Variants in EEF2K observed in about 807,000 individuals in gnomAD.
EEF2K encodes the protein eukaryotic elongation factor 2 kinase, also known as alternative protein EEF2K.
In EEF2K, 70 loss-of-function variants were observed where a neutral mutation model predicts 93.8. That is an observed-to-expected ratio of 0.75 (90% CI 0.62 to 0.91). The LOEUF (loss-of-function observed/expected upper bound fraction) is 0.91. Ranked by LOEUF, EEF2K falls within the 40% of genes least tolerant of loss-of-function variation. The pLI is 0.00. For synonymous variants in EEF2K, 376 were observed against 380.8 expected (o/e 0.99, Z 0.15); for missense variants, 935 against 972.9 (o/e 0.96, Z 0.52).
chr16:22,220,893 T>G (rs2047005607), intron 1 of EEF2K, among the ~76,000 whole-genome samples: 1 of 152,210 alleles, frequency 6.6e-6, no homozygotes, highest in Admixed American at 6.5e-5. Flanking sequence ...CCACGCCGTG[T>G]TGGTCAGCAG....
intron 17 of EEF2K, among the ~76,000 whole-genome samples, chr16:22,281,977 A>G (rs1044289944): frequency 1.8e-4 from 27 of 152,160 alleles, no homozygotes; most frequent in African/African-American, 6.5e-4. Flanking sequence ...AACTAAAAAA[A>G]TTGCTGGGCA....
intron 16 of EEF2K, among the ~76,000 whole-genome samples, chr16:22,274,473 T>G (rs1022381573): frequency 6.7e-6 from 1 of 149,766 alleles, no homozygotes; most frequent in Non-Finnish European, 1.5e-5. Context: ...ATAAAAGTCA[T>G]GTGATACGAG....
chr16:22,260,176 CACATT>C (rs1454167489), intron 10 of EEF2K, among the ~76,000 whole-genome samples: 20 of 152,162 alleles, frequency 1.3e-4, no homozygotes, highest in Admixed American at 1.3e-3. Context: ...TGCTAATAAA[CACATT>C]ACAAGGATAA....
At chr16:22,255,063 A>G (rs1317101417) in intron 6 of EEF2K, among the ~76,000 whole-genome samples, 1 of 152,142 alleles carries the variant, frequency 6.6e-6, no homozygotes, top group Admixed American at 6.6e-5. Context: ...AGCCTGGGCA[A>G]TAAAATATAA....
At chr16:22,216,360 C>T (rs988591749) in intron 1 of EEF2K, among the ~76,000 whole-genome samples, 1 of 152,170 alleles carries the variant, frequency 6.6e-6, no homozygotes, top group Non-Finnish European at 1.5e-5. Context: ...AGTGTAGCAC[C>T]TGGTGTGCAG....
At chr16:22,266,101 C>T (rs1029734574) in intron 13 of EEF2K, among the ~76,000 whole-genome samples, 4 of 151,964 alleles carry the variant, frequency 2.6e-5, no homozygotes, top group Non-Finnish European at 4.4e-5. Context: ...ATGCACCTGT[C>T]GTCCCAGCTA....
intron 16 of EEF2K, among the ~76,000 whole-genome samples, chr16:22,279,567 C>T (rs1162771425): frequency 6.6e-6 from 1 of 152,006 alleles, no homozygotes; most frequent in East Asian, 1.9e-4. Flanking sequence ...TAAACAATTT[C>T]TTTATACTCT....
chr16:22,275,410 T>G (rs2047624889), intron 16 of EEF2K, among the ~76,000 whole-genome samples: 1 of 152,098 alleles, frequency 6.6e-6, no homozygotes, highest in Admixed American at 6.6e-5. Flanking sequence ...TGGTGCAACC[T>G]CAGCTCACTG....
At chr16:22,264,918 C>G in intron 13 of EEF2K, 38 bp downstream of exon 13, 1 of 1,610,106 alleles carries the variant, frequency 6.2e-7, no homozygotes. Flanking sequence ...CTGCCTCTTC[C>G]CTGTCTCCTC....
chr16:22,253,448 C>G (rs1188391239), intron 6 of EEF2K, among the ~76,000 whole-genome samples: 1 of 152,176 alleles, frequency 6.6e-6, no homozygotes, highest in Non-Finnish European at 1.5e-5. Context: ...TCCAGCCTGG[C>G]CTCCTTTCTC....
chr16:22,229,292 A>T (rs2047093482), intron 2 of EEF2K, among the ~76,000 whole-genome samples: 1 of 152,216 alleles, frequency 6.6e-6, no homozygotes, highest in South Asian at 2.1e-4. Context: ...GTGATCCTTC[A>T]TGTTGGTTAT....
In EEF2K at chr16:22,284,059, A is replaced by G; in HGVS notation, c.*63A>G. Reference sequence around the variant, plus strand: ...GCTAGGAGGAAAGATTAAAAAAACAACAACAACAACTTATTTAGTTTGGGG... The same window carrying G: ...GCTAGGAGGAAAGATTAAAAAAACAGCAACAACAACTTATTTAGTTTGGGG... On this transcript the variant is annotated 3_prime_UTR_variant, in exon 18 of 18. Coordinates refer to ENST00000263026, the MANE Select transcript of EEF2K (RefSeq NM_013302.5). 2.9e-6 allele frequency: 4 copies of G among 1,379,538 alleles called. No homozygotes were observed. The highest frequency in any genetic ancestry group is 4.0e-6 in the Non-Finnish European group (4 of 1,003,348). 85.5% of individuals were successfully genotyped at this position (1,379,538 alleles called of 1,614,324 possible).
At chr16:22,259,423 G>A (rs982787662) in intron 10 of EEF2K, among the ~76,000 whole-genome samples, 16 of 152,178 alleles carry the variant, frequency 1.1e-4, no homozygotes, top group Admixed American at 3.9e-4. Flanking sequence ...CATTAAAGAA[G>A]CCCTTTAGAT....
intron 17 of EEF2K, 82 bp from the exon 18 acceptor site, chr16:22,283,805 C>A: frequency 7.5e-7 from 1 of 1,328,308 alleles, no homozygotes. Context: ...GGGTGTTCTT[C>A]TGGGAGGGGT....
rs1598213572 is a variant in EEF2K, at chr16:22,284,981, C to T, written c.*985C>T. On this transcript the variant is annotated 3_prime_UTR_variant, in exon 18 of 18. Transcript: ENST00000263026. ...ATAATGCTACTGATTTTCTGGCATA[C>T]AGCCGAATTCCATCTTTTAAGCATG... The T allele has an allele frequency of 6.6e-6, 1 of 152,596 alleles. No homozygotes were observed. The highest frequency in any genetic ancestry group is 2.4e-5 in the African/African-American group (1 of 41,428). 9.5% of individuals were successfully genotyped at this position (152,596 alleles called of 1,614,324 possible). A position where few individuals can be genotyped will look rare whatever the true frequency, so the allele number is the denominator to read the frequency against.
chr16:22,266,697 G>C lies in EEF2K; in HGVS notation c.1585G>C (p.Ala529Pro). Residue 529 changes from alanine (A) to proline (P), a missense_variant, in exon 15 of 18, where the codon GCC becomes CCC. By Grantham distance (27) the Ala-to-Pro change is conservative. Coordinates refer to ENST00000263026, the MANE Select transcript of EEF2K (RefSeq NM_013302.5). Reference sequence around the variant, plus strand: ...GTAGTCTGTGTGGCAGGTCCATCTGGCCATGGTGCGCTACCACGAGGGTGG... The same window carrying C: ...GTAGTCTGTGTGGCAGGTCCATCTGCCCATGGTGCGCTACCACGAGGGTGG... ...GKSILGKVHL[A>P]MVRYHEGGRF... The C allele has an allele frequency of 6.2e-7, 1 of 1,609,408 alleles. No homozygotes were observed. The highest frequency in any genetic ancestry group is 8.5e-7 in the Non-Finnish European group (1 of 1,177,482).
At chr16:22,257,485 G>T in intron 8 of EEF2K, 100 bp downstream of exon 8, 1 of 1,554,736 alleles carries the variant, frequency 6.4e-7, no homozygotes, top group Non-Finnish European at 8.7e-7. Flanking sequence ...GACACTGTAC[G>T]CGCTTTTTCA....
At position 22,225,673 on chromosome 16, in the gene EEF2K, G is replaced by C; in HGVS notation, c.-57G>C. 6.3e-7 allele frequency: 1 copy of C among 1,591,362 alleles called. No homozygotes were observed. The highest frequency in any genetic ancestry group is 1.1e-5 in the South Asian group (1 of 87,130). On this transcript the variant is annotated 5_prime_UTR_variant, in exon 2 of 18. Coordinates refer to ENST00000263026, the MANE Select transcript of EEF2K (RefSeq NM_013302.5). ...TTGTAGGACCTTCGCCTCTGCATTT[G>C]TCCAGTAACTCTGGCTGTGCCGGAT...
At position 22,214,309 on chromosome 16, in the gene EEF2K, C is replaced by T. The variant is rs186426920; in HGVS notation, c.-77+7630C>T. Among the ~76,000 whole-genome samples the T allele has an allele frequency of 9.2e-4, 139 of 151,616 alleles. 2 individuals are homozygous for T. The highest frequency in any genetic ancestry group is 5.2e-3 in the South Asian group (25 of 4,788). On this transcript the variant is annotated intron_variant, in intron 1 of 17. Coordinates refer to ENST00000263026, the MANE Select transcript of EEF2K (RefSeq NM_013302.5). ...ATGCATGTAATCAACTTTGGGAGGT[C>T]GAGGCAAGAGGATCGCTTGAGGCCA... is the stretch of plus-strand genomic sequence containing the variant.
Sources: gnomAD v4.1 joint callset for allele counts (sites outside exome capture counted in the v4.1 genomes callset) on GRCh38, gnomAD v4.1.1 for gene constraint, MANE v1.5 for transcripts, NCBI Gene and HGNC (gene_info 2026-07-23, HGNC 2026-07-21) for gene names.